Variants in KIAA1328 observed in about 807,000 individuals in gnomAD.
KIAA1328 encodes protein hinderin.
Under a neutral mutation model 68.1 loss-of-function variants are expected in KIAA1328, and 52 were observed. That is an observed-to-expected ratio of 0.76 (90% CI 0.61 to 0.96). The LOEUF is 0.96. KIAA1328 is among the 40% of genes least tolerant of loss of function. The pLI is 0.00. For missense variants in KIAA1328, 641 were observed against 677.6 expected, an observed-to-expected ratio of 0.95 and a Z score of 0.60; for synonymous variants, 232 against 239.4, an observed-to-expected ratio of 0.97 and a Z score of 0.28.
intron 7 of KIAA1328, among the ~76,000 whole-genome samples, chr18:37,086,078 G>A (rs761061929): frequency 2.0e-5 from 3 of 152,144 alleles, no homozygotes; most frequent in Non-Finnish European, 4.4e-5. Flanking sequence ...ATGGTCACCA[G>A]GGCCTGGGGG....
intron 5 of KIAA1328, among the ~76,000 whole-genome samples, chr18:36,936,035 A>G (rs556396039): frequency 2.0e-5 from 3 of 152,332 alleles, no homozygotes; most frequent in Admixed American, 1.3e-4. Context: ...AGGGAAGAAA[A>G]TGTTAACTCT....
chr18:36,900,602 C>T (rs944670182), intron 5 of KIAA1328, among the ~76,000 whole-genome samples: 5 of 151,906 alleles, frequency 3.3e-5, no homozygotes, highest in Admixed American at 1.3e-4. Flanking sequence ...TTTACATAAG[C>T]GTACATCCCA....
intron 6 of KIAA1328, among the ~76,000 whole-genome samples, chr18:37,003,048 A>C (rs4799898): frequency 0.73 from 111,338 of 151,858 alleles, 43,898 homozygotes; most frequent in South Asian, 0.89. Context: ...GTATCAGCCA[A>C]GTATACAACC....
intron 6 of KIAA1328, among the ~76,000 whole-genome samples, chr18:36,966,939 C>G (rs1436134238): frequency 6.6e-6 from 1 of 152,082 alleles, no homozygotes; most frequent in Non-Finnish European, 1.5e-5. Flanking sequence ...TATGGAAGTG[C>G]AAAGGAGTGA....
At chr18:37,051,618 G>A (rs1456348771) in intron 6 of KIAA1328, among the ~76,000 whole-genome samples, 1 of 152,194 alleles carries the variant, frequency 6.6e-6, no homozygotes, top group Non-Finnish European at 1.5e-5. Flanking sequence ...TCTACCAGAT[G>A]TTCAAAGCAG....
At chr18:37,094,281 C>T (rs757667793) in intron 7 of KIAA1328, among the ~76,000 whole-genome samples, 10 of 152,030 alleles carry the variant, frequency 6.6e-5, no homozygotes, top group South Asian at 2.1e-4. Flanking sequence ...AGATTGGTAC[C>T]GGTCTGCAGC....
chr18:36,886,588 A>C (rs1488103337), intron 5 of KIAA1328, among the ~76,000 whole-genome samples: 1 of 151,984 alleles, frequency 6.6e-6, no homozygotes, highest in Admixed American at 6.6e-5. Flanking sequence ...GGGTGTGTTA[A>C]AATAAGCTAT....
chr18:37,105,916 C>CAAAAAAAAAAAAAAAAAAAA (rs58940699), intron 7 of KIAA1328, among the ~76,000 whole-genome samples: 4 of 19,500 alleles, frequency 2.1e-4, no homozygotes, highest in African/African-American at 4.7e-4. Flanking sequence ...GACTCTGTGT[C>CAAAAAAAAAAAAAAAAAAAA]AAAAAAAAAA....
intron 5 of KIAA1328, among the ~76,000 whole-genome samples, chr18:36,913,543 T>TACACACACACAC (rs34096013): frequency 0.091 from 11,979 of 131,258 alleles, 1,129 homozygotes; most frequent in Middle Eastern, 0.14. Flanking sequence ...AGCAACTGCC[T>TACACACACACAC]ACACACACAC....
At chr18:36,830,367 A>G (rs946439385) in intron 1 of KIAA1328, among the ~76,000 whole-genome samples, 1 of 152,254 alleles carries the variant, frequency 6.6e-6, no homozygotes, top group Non-Finnish European at 1.5e-5. Context: ...ATACTAGTGC[A>G]GTGTGCAAAT....
chr18:37,015,085 T>C lies in KIAA1328; in HGVS notation c.577-51805T>C, dbSNP rs570318517. Among the ~76,000 whole-genome samples the C allele has an allele frequency of 2.0e-5, 3 of 152,174 alleles. No individual in the cohort carries two copies. The South Asian group carries it at 6.2e-4, about 32-fold the overall frequency. On this transcript the variant is annotated intron_variant, in intron 6 of 9. Transcript: ENST00000280020. ...GCCCAGCTAATTTTAGTATTTTTAGTAGAGTCGGGGTTTCACCATGTTGGC... is the reference window on the plus strand; with the variant it reads ...GCCCAGCTAATTTTAGTATTTTTAGCAGAGTCGGGGTTTCACCATGTTGGC...
chr18:37,149,993 AG>A (rs1328656685), intron 7 of KIAA1328, among the ~76,000 whole-genome samples: 7 of 152,202 alleles, frequency 4.6e-5, no homozygotes, highest in African/African-American at 1.7e-4. Context: ...ATTTTTTGCA[AG>A]CACTTTTGAC....
intron 3 of KIAA1328, among the ~76,000 whole-genome samples, chr18:36,839,933 A>C (rs1188758820): frequency 6.6e-6 from 1 of 152,086 alleles, no homozygotes; most frequent in Admixed American, 6.5e-5. Context: ...TAGTTTTCTC[A>C]CATACATATG....
intron 6 of KIAA1328, among the ~76,000 whole-genome samples, chr18:37,001,616 A>G (rs1388948501): frequency 1.3e-5 from 2 of 152,158 alleles, no homozygotes. Context: ...AAAGTCCTCA[A>G]CAGTATACTA....
intron 6 of KIAA1328, among the ~76,000 whole-genome samples, chr18:36,979,342 A>G (rs1167932849): frequency 6.6e-6 from 1 of 152,148 alleles, no homozygotes; most frequent in African/African-American, 2.4e-5. Context: ...GGGCAGACTA[A>G]GAAGTAAATT....
At chr18:36,890,536 T>C (rs2048650652) in intron 5 of KIAA1328, among the ~76,000 whole-genome samples, 1 of 151,930 alleles carries the variant, frequency 6.6e-6, no homozygotes, top group Admixed American at 6.6e-5. Flanking sequence ...CCGGGCAAGG[T>C]GGTGTGTGCC....
intron 5 of KIAA1328, among the ~76,000 whole-genome samples, chr18:36,936,328 A>G (rs2050497346): frequency 6.6e-6 from 1 of 151,958 alleles, no homozygotes; most frequent in African/African-American, 2.4e-5. Context: ...CTCTGTGTCC[A>G]TGTGTTCTCA....
intron 7 of KIAA1328, among the ~76,000 whole-genome samples, chr18:37,112,282 G>A (rs1005924526): frequency 2.6e-5 from 4 of 152,286 alleles, no homozygotes; most frequent in African/African-American, 4.8e-5. Context: ...AATAGGAGCC[G>A]ACTGATACTT....
intron 5 of KIAA1328, among the ~76,000 whole-genome samples, chr18:36,898,021 A>G (rs2048921290): frequency 6.6e-6 from 1 of 152,094 alleles, no homozygotes; most frequent in African/African-American, 2.4e-5. Context: ...TGAACTATTT[A>G]TCACACAGGT....
Sources: gnomAD v4.1 joint callset for allele counts (sites outside exome capture counted in the v4.1 genomes callset) on GRCh38, gnomAD v4.1.1 for gene constraint, MANE v1.5 for transcripts, NCBI Gene and HGNC (gene_info 2026-07-23, HGNC 2026-07-21) for gene names.